The following GLCCI1 variants were observed in gnomAD, a reference collection of about 807,000 sequenced individuals.
The protein encoded by GLCCI1 is glucocorticoid induced 1.
In GLCCI1, 24 loss-of-function variants were observed where a neutral mutation model predicts 52.2. The ratio of observed to expected loss-of-function variants is 0.46; its 90% confidence interval spans 0.33 to 0.65. GLCCI1 has a LOEUF of 0.65. GLCCI1 is among the 30% of genes least tolerant of loss of function. The pLI, the probability that GLCCI1 is intolerant of heterozygous loss-of-function variation, is 0.02. For synonymous variants in GLCCI1, 310 were observed against 276.5 expected (o/e 1.12, Z -1.20); for missense variants, 704 against 701.5 (o/e 1.00, Z -0.04).
At chr7:8,007,614 C>G (rs1396813636) in intron 2 of GLCCI1, among the ~76,000 whole-genome samples, 1 of 152,054 alleles carries the variant, frequency 6.6e-6, no homozygotes, top group East Asian at 1.9e-4. Context: ...CTGTTGAACT[C>G]TTAGGGTGGG....
chr7:7,988,034 A>T (rs1229471513), intron 1 of GLCCI1, among the ~76,000 whole-genome samples: 1 of 152,178 alleles, frequency 6.6e-6, no homozygotes, highest in Non-Finnish European at 1.5e-5. Context: ...GATGGGAGTG[A>T]CGGACATAAT....
At position 8,030,970 on chromosome 7, in the gene GLCCI1, C is replaced by T. The variant is rs1293102340; in HGVS notation, c.696+8401C>T. Among the ~76,000 whole-genome samples, 4 of 152,056 alleles carry T rather than the reference C, an allele frequency of 2.6e-5. No individual in the cohort carries two copies. The East Asian group carries it at 5.8e-4, about 22-fold the overall frequency. ...AAATTAGTACAACCACTATGGAGAACAGTTTGGAGGTTTCTTTAAAATCTT... is the reference window on the plus strand; with the variant it reads ...AAATTAGTACAACCACTATGGAGAATAGTTTGGAGGTTTCTTTAAAATCTT... On this transcript the variant is annotated intron_variant, in intron 3 of 7. Transcript: ENST00000223145.
At chr7:7,997,913 T>TGAGA (rs1448503931) in intron 1 of GLCCI1, among the ~76,000 whole-genome samples, 1 of 147,742 alleles carries the variant, frequency 6.8e-6, no homozygotes, top group Non-Finnish European at 1.5e-5. Flanking sequence ...GGTGACAGAG[T>TGAGA]GAGACTCTGT....
At chr7:8,083,751 A>G (rs1177351095) in intron 6 of GLCCI1, among the ~76,000 whole-genome samples, 1 of 152,214 alleles carries the variant, frequency 6.6e-6, no homozygotes, top group African/African-American at 2.4e-5. Flanking sequence ...AGTTATAGCC[A>G]TGTTCAAATA....
chr7:8,040,105 A>G (rs984374564), intron 3 of GLCCI1, among the ~76,000 whole-genome samples: 11 of 152,164 alleles, frequency 7.2e-5, no homozygotes, highest in African/African-American at 2.4e-4. Context: ...ATAAAAAAGT[A>G]TTTCATCAAA....
chr7:8,051,565 T>A (rs1440150769), intron 3 of GLCCI1, among the ~76,000 whole-genome samples: 1 of 152,192 alleles, frequency 6.6e-6, no homozygotes, highest in African/African-American at 2.4e-5. Flanking sequence ...GAAAATCTTA[T>A]GTGGTGAAGG....
chr7:7,978,540 A>T (rs942423074), intron 1 of GLCCI1, among the ~76,000 whole-genome samples: 1 of 152,072 alleles, frequency 6.6e-6, no homozygotes, highest in African/African-American at 2.4e-5. Flanking sequence ...CATTTTTTCA[A>T]TGTCATTTGT....
chr7:7,982,064 C>T (rs1384887905), intron 1 of GLCCI1: 4 of 466,562 alleles, frequency 8.6e-6, no homozygotes, highest in South Asian at 3.4e-5. Context: ...AAAGAGAGAC[C>T]GAACTCAGAA....
chr7:8,015,335 A>G (rs1252062572), intron 2 of GLCCI1, among the ~76,000 whole-genome samples: 7 of 152,240 alleles, frequency 4.6e-5, no homozygotes, highest in Non-Finnish European at 1.0e-4. Flanking sequence ...CACACTTTAT[A>G]CAGCTGTCTG....
chr7:8,028,966 TC>T (rs1388722623), intron 3 of GLCCI1, among the ~76,000 whole-genome samples: 1 of 152,078 alleles, frequency 6.6e-6, no homozygotes, highest in African/African-American at 2.4e-5. Context: ...TAAAAAGTCT[TC>T]CAGTAAAGAA....
At chr7:8,028,085 T>C (rs1237627122) in intron 3 of GLCCI1, among the ~76,000 whole-genome samples, 1 of 152,214 alleles carries the variant, frequency 6.6e-6, no homozygotes, top group African/African-American at 2.4e-5. Flanking sequence ...AACATTGGGC[T>C]TAATCTGCAC....
chr7:8,035,696 C>T (rs988640982), intron 3 of GLCCI1, among the ~76,000 whole-genome samples: 1 of 152,166 alleles, frequency 6.6e-6, no homozygotes, highest in Non-Finnish European at 1.5e-5. Context: ...TTTCACAGCT[C>T]TTGGCTACAC....
chr7:7,969,892 CTT>C lies in GLCCI1; in HGVS notation c.457+87_457+88del. ...GAAACTTCAGCCTCTTCGGGCTTCTCTTTGCTAGTGCATTATCGAAGGTGTGA... is the reference window on the plus strand; with the variant it reads ...GAAACTTCAGCCTCTTCGGGCTTCTCTGCTAGTGCATTATCGAAGGTGTGA... On this transcript the variant is annotated intron_variant, in intron 1 of 7. Coordinates refer to ENST00000223145, the MANE Select transcript of GLCCI1 (RefSeq NM_138426.4). This position sits in a 1 kb window ranked among gnomAD's most constrained non-coding sequence, Gnocchi z 4.9. 8.4e-7 allele frequency: 1 copy of C among 1,183,702 alleles called. No individual in the cohort carries two copies. The highest frequency in any genetic ancestry group is 1.1e-6 in the Non-Finnish European group (1 of 944,256). 73.3% of individuals were successfully genotyped at this position (1,183,702 alleles called of 1,614,324 possible). A position where few individuals can be genotyped will look rare whatever the true frequency, so the allele number is the denominator to read the frequency against.
intron 1 of GLCCI1, among the ~76,000 whole-genome samples, chr7:7,985,775 T>C (rs1780714619): frequency 6.6e-6 from 1 of 152,244 alleles, no homozygotes. Context: ...CTGAATCATA[T>C]AATATAGTTT....
intron 1 of GLCCI1, among the ~76,000 whole-genome samples, chr7:8,001,605 G>A (rs533469472): frequency 1.3e-5 from 2 of 152,304 alleles, no homozygotes; most frequent in South Asian, 2.1e-4. Flanking sequence ...ATTACTGGGT[G>A]TATACCCAAA....
At chr7:8,043,818 C>T (rs1583995819) in intron 3 of GLCCI1, among the ~76,000 whole-genome samples, 1 of 151,958 alleles carries the variant, frequency 6.6e-6, no homozygotes, top group Non-Finnish European at 1.5e-5. Flanking sequence ...TTCTGTATAA[C>T]AGGCTATAAA....
chr7:8,059,162 G>A (rs1265513296), intron 4 of GLCCI1, among the ~76,000 whole-genome samples: 3 of 152,112 alleles, frequency 2.0e-5, no homozygotes, highest in East Asian at 1.9e-4. Context: ...CATGTTGTTC[G>A]AGGGTCAACA....
At chr7:8,034,683 G>GAGTC (rs1781827314) in intron 3 of GLCCI1, among the ~76,000 whole-genome samples, 1 of 152,178 alleles carries the variant, frequency 6.6e-6, no homozygotes, top group South Asian at 2.1e-4. Flanking sequence ...GAGAGTGCTG[G>GAGTC]AGTCCAGTGG....
chr7:8,087,130 AG>A lies in GLCCI1; in HGVS notation c.*595del, dbSNP rs1336177073. 3 of 152,684 alleles carry A rather than the reference AG, an allele frequency of 2.0e-5. No individual in the cohort carries two copies. Among genetic ancestry groups the A allele is most frequent in the Non-Finnish European group, 4.4e-5 (3 of 68,054 alleles). 9.5% of individuals were successfully genotyped at this position (152,684 alleles called of 1,614,324 possible). A position where few individuals can be genotyped will look rare whatever the true frequency, so the allele number is the denominator to read the frequency against. ...ATATTTCACAGCTAAAAAGCTAAAG[AG>A]GGAACATCACTCTTTTGCCTTTCCT... On this transcript the variant is annotated 3_prime_UTR_variant, in exon 8 of 8. Coordinates refer to ENST00000223145, the MANE Select transcript of GLCCI1 (RefSeq NM_138426.4).
Sources: gnomAD v4.1 joint callset for allele counts (sites outside exome capture counted in the v4.1 genomes callset) on GRCh38, gnomAD v4.1.1 for gene constraint, Gnocchi (gnomAD v3.1) non-coding constraint, MANE v1.5 for transcripts, NCBI Gene and HGNC (gene_info 2026-07-23, HGNC 2026-07-21) for gene names.